Variants in MGAT4C observed in about 807,000 individuals in gnomAD.
The protein encoded by MGAT4C is MGAT4 family member C.
A neutral mutation model predicts 40.1 loss-of-function variants in MGAT4C; 19 were observed. The observed-to-expected ratio is 0.47, with a 90% CI of 0.33 to 0.70. The LOEUF (loss-of-function observed/expected upper bound fraction) is 0.70, where lower values mean the gene tolerates loss of function less well. MGAT4C is among the 30% of genes least tolerant of loss of function. The pLI, the probability that MGAT4C is intolerant of heterozygous loss-of-function variation, is 0.02. For synonymous variants in MGAT4C, 181 were observed against 187.1 expected, an observed-to-expected ratio of 0.97 and a Z score of 0.27; for missense variants, 491 against 563.2, an observed-to-expected ratio of 0.87 and a Z score of 1.30.
intron 2 of MGAT4C, among the ~76,000 whole-genome samples, chr12:86,048,149 G>A (rs866386771): frequency 3.3e-5 from 5 of 152,000 alleles, no homozygotes; most frequent in South Asian, 2.1e-4. Flanking sequence ...ACAAAATCGC[G>A]TCCTTTGCAG....
chr12:86,023,547 T>C (rs981026050), intron 2 of MGAT4C, among the ~76,000 whole-genome samples: 1 of 150,128 alleles, frequency 6.7e-6, no homozygotes, highest in East Asian at 1.9e-4. Flanking sequence ...GATCCTGTTT[T>C]GTAACTTCAA....
At chr12:86,078,733 G>A (rs960188990) in intron 1 of MGAT4C, among the ~76,000 whole-genome samples, 21 of 152,110 alleles carry the variant, frequency 1.4e-4, no homozygotes, top group Admixed American at 9.8e-4. Context: ...TGCCACCATG[G>A]CCACTTTGTT....
intron 3 of MGAT4C, among the ~76,000 whole-genome samples, chr12:86,379,813 A>T (rs1002682437): frequency 1.3e-5 from 2 of 151,996 alleles, no homozygotes; most frequent in Admixed American, 1.3e-4. Flanking sequence ...CTATTTTGTC[A>T]TTCTTCAATC....
At chr12:86,417,903 C>T (rs1389686314) in intron 3 of MGAT4C, among the ~76,000 whole-genome samples, 2 of 152,036 alleles carry the variant, frequency 1.3e-5, no homozygotes, top group Non-Finnish European at 2.9e-5. Context: ...TACAAAGTAG[C>T]TGTAATTATT....
At chr12:86,523,200 C>G (rs1343184802) in intron 2 of MGAT4C, among the ~76,000 whole-genome samples, 1 of 152,092 alleles carries the variant, frequency 6.6e-6, no homozygotes, top group East Asian at 1.9e-4. Flanking sequence ...AAATTGAGAT[C>G]TTTCTAACTT....
chr12:86,335,196 T>C (rs1032491584), intron 3 of MGAT4C, among the ~76,000 whole-genome samples: 1 of 152,112 alleles, frequency 6.6e-6, no homozygotes, highest in African/African-American at 2.4e-5. Flanking sequence ...TTGACTGAAC[T>C]ATATATAGGT....
chr12:86,320,012 T>C (rs1250598919), intron 4 of MGAT4C, among the ~76,000 whole-genome samples: 6 of 152,154 alleles, frequency 3.9e-5, no homozygotes, highest in Admixed American at 6.6e-5. Context: ...ATTGTTTTTC[T>C]TTTGGAATAC....
chr12:86,047,445 A>T (rs760890374), intron 2 of MGAT4C, among the ~76,000 whole-genome samples: 11 of 152,106 alleles, frequency 7.2e-5, no homozygotes, highest in Non-Finnish European at 1.6e-4. Context: ...TACAAATACT[A>T]TGATAATAAT....
chr12:86,459,656 C>A (rs1255479557), intron 2 of MGAT4C, among the ~76,000 whole-genome samples: 1 of 110,386 alleles, frequency 9.1e-6, no homozygotes. Flanking sequence ...AGAAGCCCCC[C>A]CAACCTTCCC....
rs1951518022 is a variant in MGAT4C, at chr12:86,766,790, G to A, written c.-261-39549C>T. On this transcript the variant is annotated intron_variant, in intron 1 of 7. Coordinates refer to the MGAT4C transcript ENST00000548651. Reference sequence around the variant, plus strand: ...ACTACTGGGTACATAACAAAATGAAGGCAGAAATAAAGATGTTCTTTGAAA... The same window carrying A: ...ACTACTGGGTACATAACAAAATGAAAGCAGAAATAAAGATGTTCTTTGAAA... 2.0e-5 allele frequency among the ~76,000 whole-genome samples: 3 copies of A among 151,910 alleles called. No individual in the cohort carries two copies. In the South Asian group the frequency reaches 6.2e-4, roughly 32 times the overall value.
At chr12:86,146,621 C>A (rs533155676) in intron 1 of MGAT4C, among the ~76,000 whole-genome samples, 1 of 152,132 alleles carries the variant, frequency 6.6e-6, no homozygotes, top group African/African-American at 2.4e-5. Context: ...CTAGACACTG[C>A]AGCACTGGAT....
chr12:86,311,567 G>A (rs1410663528), intron 4 of MGAT4C, among the ~76,000 whole-genome samples: 1 of 152,060 alleles, frequency 6.6e-6, no homozygotes, highest in Non-Finnish European at 1.5e-5. Context: ...CAAGGAATAG[G>A]TCCTGCACAC....
chr12:86,611,323 GACAC>G (rs371713062), intron 2 of MGAT4C, among the ~76,000 whole-genome samples: 2 of 151,168 alleles, frequency 1.3e-5, no homozygotes, highest in Non-Finnish European at 3.0e-5. Flanking sequence ...AAGACGTGCA[GACAC>G]ACACACACAC....
At chr12:86,767,775 A>T (rs1259335654) in intron 1 of MGAT4C, among the ~76,000 whole-genome samples, 1 of 152,238 alleles carries the variant, frequency 6.6e-6, no homozygotes, top group Non-Finnish European at 1.5e-5. Flanking sequence ...CCACATGATT[A>T]TCTCAATAGA....
chr12:86,047,973 C>T (rs1892555002), intron 2 of MGAT4C, among the ~76,000 whole-genome samples: 1 of 151,580 alleles, frequency 6.6e-6, no homozygotes, highest in Non-Finnish European at 1.5e-5. Flanking sequence ...AATAATAGTC[C>T]ATGAATGAAA....
At chr12:86,007,413 T>C (rs1221004768) in intron 2 of MGAT4C, among the ~76,000 whole-genome samples, 1 of 152,148 alleles carries the variant, frequency 6.6e-6, no homozygotes, top group African/African-American at 2.4e-5. Flanking sequence ...AATAGTAAGA[T>C]ATTTCAGGAT....
intron 1 of MGAT4C, among the ~76,000 whole-genome samples, chr12:86,738,920 CTTTT>C (rs1951024151): frequency 6.6e-6 from 1 of 150,630 alleles, no homozygotes; most frequent in Admixed American, 6.7e-5. Flanking sequence ...GGAAAAAGCT[CTTTT>C]ATCATAAAAT....
Position 86,361,492 on chromosome 12 carries a change from T to G in MGAT4C, c.-119-27365A>C, listed in dbSNP as rs185952135. Among the ~76,000 whole-genome samples, 209 of 152,296 alleles carry G rather than the reference T, an allele frequency of 1.4e-3. 1 individual carries two copies. Among genetic ancestry groups the G allele is most frequent in the African/African-American group, 4.7e-3 (197 of 41,562 alleles). ...AAAGCCAAAATTGACAAATGGGATC[T>G]AATTAAACTAAACAGCTTCTGCACA... On this transcript the variant is annotated intron_variant, in intron 3 of 7. Transcript: ENST00000548651.
intron 4 of MGAT4C, among the ~76,000 whole-genome samples, chr12:86,316,286 G>A (rs1954228727): frequency 1.3e-5 from 2 of 152,132 alleles, no homozygotes; most frequent in Non-Finnish European, 2.9e-5. Context: ...AATTAATTTA[G>A]TCACTATGGA....
Sources: gnomAD v4.1 joint callset for allele counts (sites outside exome capture counted in the v4.1 genomes callset) on GRCh38, gnomAD v4.1.1 for gene constraint, MANE v1.5 for transcripts, NCBI Gene and HGNC (gene_info 2026-07-23, HGNC 2026-07-21) for gene names.